GRID1: variants seen among roughly 807,000 people sequenced by gnomAD.
GRID1 encodes the protein glutamate receptor ionotropic, delta-1.
A neutral mutation model predicts 98.0 loss-of-function variants in GRID1; 28 were observed. The ratio of observed to expected loss-of-function variants is 0.29; its 90% CI spans 0.21 to 0.39. The LOEUF (loss-of-function observed/expected upper bound fraction) is 0.39, where lower values mean the gene tolerates loss of function less well. Ranked by LOEUF, GRID1 falls within the 10% of genes least tolerant of loss-of-function variation. GRID1 has a pLI of 1.00. For missense variants in GRID1, 1,111 were observed against 1,340.5 expected, an observed-to-expected ratio of 0.83 and a Z score of 2.67; for synonymous variants, 553 against 538.5, an observed-to-expected ratio of 1.03 and a Z score of -0.37.
intron 2 of GRID1, among the ~76,000 whole-genome samples, chr10:86,225,725 C>G (rs1190075414): frequency 6.6e-6 from 1 of 152,128 alleles, no homozygotes; most frequent in Non-Finnish European, 1.5e-5. Flanking sequence ...CTTAGAGGTC[C>G]CCCAGCTCTT....
At chr10:85,909,892 T>C (rs1841513850) in intron 5 of GRID1, among the ~76,000 whole-genome samples, 1 of 152,226 alleles carries the variant, frequency 6.6e-6, no homozygotes, top group Admixed American at 6.5e-5. Context: ...CACTTAAGTA[T>C]TGTATGTATT....
chr10:85,837,381 G>A (rs1393308140), intron 8 of GRID1, among the ~76,000 whole-genome samples: 1 of 152,178 alleles, frequency 6.6e-6, no homozygotes, highest in Non-Finnish European at 1.5e-5. Flanking sequence ...TGCCCACAGT[G>A]AGGCTGGCAC....
At chr10:85,629,454 G>A (rs1842950496) in intron 13 of GRID1, among the ~76,000 whole-genome samples, 2 of 143,576 alleles carry the variant, frequency 1.4e-5, no homozygotes, top group Non-Finnish European at 3.0e-5. Flanking sequence ...ACATTATTTA[G>A]CTCCCACTTA....
At chr10:86,124,226 G>A (rs1844718785) in intron 4 of GRID1, among the ~76,000 whole-genome samples, 1 of 152,140 alleles carries the variant, frequency 6.6e-6, no homozygotes, top group Non-Finnish European at 1.5e-5. Flanking sequence ...AACCTCCAGT[G>A]ACTTCCTATT....
chr10:85,856,200 C>T lies in GRID1; in HGVS notation c.952-10G>A. The T allele has an allele frequency of 3.1e-6, 5 of 1,613,742 alleles. No homozygotes were observed. The highest frequency in any genetic ancestry group is 1.1e-5 in the South Asian group (1 of 91,052). ...GATAGAGGTTGGAGATCTGCAAAGACAGAGGCAGTGAAACCCTTTCCACAG... is the reference window on the plus strand; with the variant it reads ...GATAGAGGTTGGAGATCTGCAAAGATAGAGGCAGTGAAACCCTTTCCACAG... On this transcript the variant is annotated splice_polypyrimidine_tract_variant and intron_variant, in intron 6 of 15. Transcript: ENST00000327946.
chr10:86,351,447 G>A lies in GRID1; in HGVS notation c.235+12494C>T, dbSNP rs569274850. Among the ~76,000 whole-genome samples the A allele has an allele frequency of 8.5e-5, 13 of 152,322 alleles. No homozygotes were observed. The South Asian group carries it at 2.3e-3, about 27-fold the overall frequency. ...CAGCCTGCTGGACATTTCTGAGGTC[G>A]GTGAGGGCAGCACAGGCCCCCCTAC... On this transcript the variant is annotated intron_variant, in intron 2 of 15. Coordinates refer to ENST00000327946, the MANE Select transcript of GRID1 (RefSeq NM_017551.3).
chr10:86,275,199 G>A (rs1021514870), intron 2 of GRID1, among the ~76,000 whole-genome samples: 2 of 152,094 alleles, frequency 1.3e-5, no homozygotes, highest in Non-Finnish European at 2.9e-5. Flanking sequence ...AGAGACTTCA[G>A]TGATCACACA....
At chr10:85,751,636 T>C (rs1842046586) in intron 8 of GRID1, among the ~76,000 whole-genome samples, 1 of 152,074 alleles carries the variant, frequency 6.6e-6, no homozygotes, top group South Asian at 2.1e-4. Flanking sequence ...ATGAAAACTA[T>C]ATTATTTAAA....
intron 6 of GRID1, among the ~76,000 whole-genome samples, chr10:85,868,310 A>G (rs1455708975): frequency 1.3e-5 from 2 of 152,156 alleles, no homozygotes; most frequent in African/African-American, 4.8e-5. Flanking sequence ...GGTACTCTCC[A>G]CACTACTTCC....
At chr10:86,354,848 T>C (rs563943558) in intron 2 of GRID1, among the ~76,000 whole-genome samples, 1 of 152,308 alleles carries the variant, frequency 6.6e-6, no homozygotes, top group South Asian at 2.1e-4. Flanking sequence ...CCTATACAGA[T>C]GGCTCCGAGC....
chr10:86,203,639 T>A (rs1018301321), intron 3 of GRID1, among the ~76,000 whole-genome samples: 8 of 150,344 alleles, frequency 5.3e-5, no homozygotes, highest in African/African-American at 9.7e-5. Flanking sequence ...CTGCACAGAA[T>A]CCAATAAAAG....
chr10:86,049,157 T>C (rs1843465449), intron 4 of GRID1, among the ~76,000 whole-genome samples: 1 of 152,196 alleles, frequency 6.6e-6, no homozygotes, highest in African/African-American at 2.4e-5. Context: ...AACTCATGTA[T>C]TGACAACAGG....
chr10:85,914,534 A>T (rs1276314294), intron 5 of GRID1, among the ~76,000 whole-genome samples: 1 of 151,988 alleles, frequency 6.6e-6, no homozygotes, highest in Non-Finnish European at 1.5e-5. Context: ...CAGCACAACC[A>T]CCTGCACCCC....
chr10:86,207,724 C>G (rs1298461877), intron 2 of GRID1, among the ~76,000 whole-genome samples: 1 of 151,142 alleles, frequency 6.6e-6, no homozygotes, highest in Non-Finnish European at 1.5e-5. Context: ...CTCCGCCTCC[C>G]GGGTTCACGC....
At chr10:86,293,807 G>A (rs973182698) in intron 2 of GRID1, among the ~76,000 whole-genome samples, 23 of 152,258 alleles carry the variant, frequency 1.5e-4, no homozygotes, top group African/African-American at 4.1e-4. Context: ...TCCCACAAAC[G>A]TCGTCAGCGC....
intron 8 of GRID1, among the ~76,000 whole-genome samples, chr10:85,852,930 C>T (rs1843074193): frequency 6.6e-6 from 1 of 152,194 alleles, no homozygotes; most frequent in Non-Finnish European, 1.5e-5. Context: ...AACCTCTGAG[C>T]TCCAAAATGC....
At chr10:86,186,986 T>C (rs1845733793) in intron 3 of GRID1, among the ~76,000 whole-genome samples, 1 of 152,120 alleles carries the variant, frequency 6.6e-6, no homozygotes, top group African/African-American at 2.4e-5. Flanking sequence ...GAAACCAGGT[T>C]TTCTATGACA....
intron 3 of GRID1, among the ~76,000 whole-genome samples, chr10:86,203,602 G>A (rs925712857): frequency 6.6e-6 from 1 of 151,636 alleles, no homozygotes; most frequent in East Asian, 1.9e-4. Context: ...GGAGGCCGAT[G>A]ACCAGGGCAG....
At chr10:85,816,349 T>G (rs1358841637) in intron 8 of GRID1, among the ~76,000 whole-genome samples, 1 of 152,002 alleles carries the variant, frequency 6.6e-6, no homozygotes, top group East Asian at 1.9e-4. Flanking sequence ...AGCAAGAAAA[T>G]GAAGAAACAA....
Sources: allele counts gnomAD v4.1 joint callset (sites outside exome capture counted in the v4.1 genomes callset), GRCh38; gene constraint gnomAD v4.1.1; transcripts MANE v1.5; gene names NCBI Gene and HGNC (gene_info 2026-07-23, HGNC 2026-07-21).